FLNB: variants seen among roughly 807,000 people sequenced by gnomAD.
FLNB encodes filamin B, also known as filamin-B.
Under a neutral mutation model 250.6 loss-of-function variants are expected in FLNB, and 111 were observed. That is an observed-to-expected ratio of 0.44 (90% CI 0.38 to 0.52). The LOEUF is 0.52. Ranked by LOEUF, FLNB falls within the 20% of genes least tolerant of loss-of-function variation. FLNB has a pLI of 0.00. For missense variants in FLNB, 2,869 were observed against 3,447.8 expected (o/e 0.83, Z 4.20); for synonymous variants, 1,302 against 1,372.1 (o/e 0.95, Z 1.13).
At position 58,148,189 on chromosome 3, in the gene FLNB, T is replaced by G. The variant is rs779311978; in HGVS notation, c.5729-17T>G. 9.3e-6 allele frequency: 15 copies of G among 1,614,172 alleles called. No individual in the cohort carries two copies. The highest frequency in any genetic ancestry group is 3.3e-4 in the Middle Eastern group (2 of 6,060). ...AACCACATGTAACGGGAGTCCTTTT[T>G]GGGGGATGTTTCCCAGATGACAGCA... is the stretch of plus-strand genomic sequence containing the variant. On this transcript the variant is annotated splice_polypyrimidine_tract_variant and intron_variant, in intron 34 of 45. Transcript: ENST00000295956.
At position 58,123,111 on chromosome 3, in the gene FLNB, G is replaced by A. The variant is rs762818490; in HGVS notation, c.3145G>A (p.Gly1049Ser). Residue 1049 changes from glycine to serine, a missense_variant, in exon 21 of 46, where the codon GGC (glycine) becomes AGC (serine). By Grantham distance (56) the Gly-to-Ser change is moderately conservative. Coordinates refer to ENST00000295956, the MANE Select transcript of FLNB (RefSeq NM_001457.4). ...DPSKVKAHGP[G>S]LEGGLVGKPA... ...CAAATAGGTGAAGGCCCACGGTCCC[G>A]GCCTCGAAGGTGGTCTCGTGGGCAA... 2.5e-6 allele frequency: 4 copies of A among 1,614,016 alleles called. No individual in the cohort carries two copies. The highest frequency in any genetic ancestry group is 1.7e-5 in the Admixed American group (1 of 60,002).
Position 58,109,199 on chromosome 3 carries a change from T to G in FLNB, c.2076T>G (p.Ile692Met), listed in dbSNP as rs1178543470. The G allele has an allele frequency of 5.0e-6, 8 of 1,614,178 alleles. No homozygotes were observed. Among genetic ancestry groups the G allele is most frequent in the Non-Finnish European group, 6.8e-6 (8 of 1,180,028 alleles). The change falls in exon 14 of 46, where the codon ATT becomes ATG. Residue 692 changes from isoleucine to methionine, a missense_variant. Ile to Met is a conservative substitution (Grantham distance 10). Around this residue, in one of 5 missense-constraint regions of FLNB, gnomAD observed 1,348 missense variants for 1,466.7 expected, o/e 0.92. Coordinates refer to ENST00000295956, the MANE Select transcript of FLNB (RefSeq NM_001457.4). ...TGCAGGATGGGGAAGGCCAACGCAT[T>G]GACATCCAGATGAAGAACCGGATGG... Reference protein sequence around the residue: ...IFAQDGEGQRIDIQMKNRMDG... With the variant: ...IFAQDGEGQRMDIQMKNRMDG...
chr3:58,009,267 G>C (rs566480782), intron 1 of FLNB, among the ~76,000 whole-genome samples: 1 of 152,164 alleles, frequency 6.6e-6, no homozygotes, highest in Admixed American at 6.5e-5. Context: ...CGCCCAGGTT[G>C]GTGCTCTCAG....
intron 10 of FLNB, 88 bp downstream of exon 10, chr3:58,104,173 G>T: frequency 1.4e-6 from 2 of 1,398,492 alleles, no homozygotes; most frequent in Non-Finnish European, 2.0e-6. Flanking sequence ...GCTGCAGGAG[G>T]GAAAGAGATC....
intron 41 of FLNB, among the ~76,000 whole-genome samples, chr3:58,157,015 G>A (rs1037654212): frequency 2.0e-5 from 3 of 152,048 alleles, no homozygotes; most frequent in African/African-American, 4.8e-5. Context: ...TGCCCTTAAC[G>A]GCAACCTCTC....
chr3:58,120,279 T>C (rs1172700428), intron 19 of FLNB, among the ~76,000 whole-genome samples: 1 of 152,208 alleles, frequency 6.6e-6, no homozygotes, highest in African/African-American at 2.4e-5. Flanking sequence ...ATGTGTCCCC[T>C]TGTCACTCCT....
At chr3:58,052,144 T>C (rs1160539762) in intron 1 of FLNB, among the ~76,000 whole-genome samples, 1 of 152,186 alleles carries the variant, frequency 6.6e-6, no homozygotes, top group African/African-American at 2.4e-5. Context: ...CACCTCGGCC[T>C]ACCAAAGTGC....
chr3:58,020,383 C>G (rs183531070), intron 1 of FLNB, among the ~76,000 whole-genome samples: 4 of 152,142 alleles, frequency 2.6e-5, no homozygotes, highest in Non-Finnish European at 5.9e-5. Context: ...CAGGTAGCCT[C>G]GTGCTGTGGC....
chr3:58,100,753 G>A (rs1368720503), intron 8 of FLNB, among the ~76,000 whole-genome samples: 1 of 151,656 alleles, frequency 6.6e-6, no homozygotes, highest in Non-Finnish European at 1.5e-5. Flanking sequence ...ACACCACCAC[G>A]CCTGGCTAAG....
In FLNB at chr3:58,094,844, C is replaced by T. The variant is rs751698758; in HGVS notation, c.796C>T (p.Pro266Ser). The T allele has an allele frequency of 1.2e-6, 2 of 1,613,892 alleles. No individual in the cohort carries two copies. The highest frequency in any genetic ancestry group is 1.1e-5 in the South Asian group (1 of 91,060). The change falls in exon 5 of 46, where the codon CCC becomes TCC. Residue 266 changes from proline (P) to serine (S), a missense_variant. By Grantham distance (74) the Pro-to-Ser change is moderately conservative (BLOSUM62 -1). Around this residue, in one of 5 missense-constraint regions of FLNB, gnomAD observed 308 missense variants for 466.1 expected, o/e 0.66. Coordinates refer to ENST00000295956, the MANE Select transcript of FLNB (RefSeq NM_001457.4). ...KARAYGRGIEPTGNMVKQPAK... is the reference protein window; with the variant it reads ...KARAYGRGIESTGNMVKQPAK... ...GTGTAAACCTGTGGCAGGAATCGAG[C>T]CCACTGGAAACATGGTGAAGCAGCC... is the stretch of plus-strand genomic sequence containing the variant.
chr3:58,044,555 G>T (rs1488569705), intron 1 of FLNB, among the ~76,000 whole-genome samples: 1 of 152,206 alleles, frequency 6.6e-6, no homozygotes. Context: ...AGCCTGGCGG[G>T]TCGAGGTTGC....
Position 58,148,337 on chromosome 3 carries a change from C to A in FLNB, c.5860C>A (p.Leu1954Met), listed in dbSNP as rs760486118. Residue 1954 changes from leucine (L) to methionine (M), a missense_variant, in exon 35 of 46, where the codon CTG (leucine) becomes ATG (methionine). Physicochemically the swap from Leu to Met is conservative, Grantham distance 15 (BLOSUM62 2). Coordinates refer to ENST00000295956, the MANE Select transcript of FLNB (RefSeq NM_001457.4). The part of the protein sequence containing the change: ...APSGRDEPCL[L>M]KRLPNNHIGI... Reference sequence around the variant, plus strand: ...ATCTGGCCGAGACGAGCCCTGTCTCCTGAAGAGGCTGCCCAACAACCACAT... The same window carrying A: ...ATCTGGCCGAGACGAGCCCTGTCTCATGAAGAGGCTGCCCAACAACCACAT... 9.9e-6 allele frequency: 16 copies of A among 1,613,880 alleles called. No individual in the cohort carries two copies. Among genetic ancestry groups the A allele is most frequent in the Non-Finnish European group, 1.4e-5 (16 of 1,179,944 alleles).
chr3:58,057,965 T>G (rs1559663151), intron 1 of FLNB, among the ~76,000 whole-genome samples: 1 of 152,134 alleles, frequency 6.6e-6, no homozygotes, highest in South Asian at 2.1e-4. Flanking sequence ...TAATTTTGTA[T>G]TTTTAAGAGT....
intron 1 of FLNB, among the ~76,000 whole-genome samples, chr3:58,010,090 G>C (rs2097096275): frequency 6.7e-6 from 1 of 149,018 alleles, no homozygotes; most frequent in Admixed American, 6.7e-5. Context: ...CCACCTACAC[G>C]TGTGTATGGG....
chr3:58,122,407 C>T (rs913196583), intron 20 of FLNB, among the ~76,000 whole-genome samples: 2 of 147,390 alleles, frequency 1.4e-5, no homozygotes, highest in Non-Finnish European at 3.0e-5. Context: ...GTGGGATAAT[C>T]GCTTGAACCT....
chr3:58,015,641 G>T (rs937043873), intron 1 of FLNB, among the ~76,000 whole-genome samples: 2 of 152,096 alleles, frequency 1.3e-5, no homozygotes, highest in Non-Finnish European at 2.9e-5. Flanking sequence ...AAACCTTCAG[G>T]CCCATGCTCA....
chr3:58,039,039 T>A (rs6781727), intron 1 of FLNB, among the ~76,000 whole-genome samples: 89,736 of 141,804 alleles, frequency 0.63, 28,869 homozygotes, highest in South Asian at 0.82. Flanking sequence ...TTTTTTTTTT[T>A]AAAAAAAAGA....
At chr3:58,165,790 G>A (rs2097369284) in intron 43 of FLNB, 1 of 152,172 alleles carries the variant, frequency 6.6e-6, no homozygotes, top group South Asian at 2.1e-4. Flanking sequence ...GGGTATACCA[G>A]AAGGGCCTCC....
rs147844614 is a variant in FLNB at position 58,094,898 on chromosome 3, G to T, written c.850G>T (p.Ala284Ser). 6.2e-7 allele frequency: 1 copy of T among 1,614,048 alleles called. No homozygotes were observed. The highest frequency in any genetic ancestry group is 1.3e-5 in the African/African-American group (1 of 74,932). Residue 284 changes from alanine (A) to serine (S), a missense_variant, in exon 5 of 46, where the codon GCC (alanine) becomes TCC (serine). Ala to Ser is a moderately conservative substitution (Grantham distance 99, BLOSUM62 1). Around this residue, in one of 5 missense-constraint regions of FLNB, gnomAD observed 308 missense variants for 466.1 expected, o/e 0.66. Coordinates refer to ENST00000295956, the MANE Select transcript of FLNB (RefSeq NM_001457.4). ...PAKFTVDTIS[A>S]GQGDVMVFVE... ...CAAGTTCACTGTGGACACCATCAGCGCCGGGCAAGGAGACGTGATGGTGTT... is the reference window on the plus strand; with the variant it reads ...CAAGTTCACTGTGGACACCATCAGCTCCGGGCAAGGAGACGTGATGGTGTT...
Sources: allele counts gnomAD v4.1 joint callset (sites outside exome capture counted in the v4.1 genomes callset), GRCh38; gene constraint gnomAD v4.1.1; regional missense constraint gnomAD v4.1.1; transcripts MANE v1.5; gene names NCBI Gene and HGNC (gene_info 2026-07-23, HGNC 2026-07-21).